The following EFCAB5 variants were observed in gnomAD, a reference collection of about 807,000 sequenced individuals.
EFCAB5 encodes EF-hand calcium-binding domain-containing protein 5.
Under a neutral mutation model 167.9 loss-of-function variants are expected in EFCAB5, and 131 were observed. The ratio of observed to expected loss-of-function variants is 0.78; its 90% confidence interval spans 0.68 to 0.90. The LOEUF (loss-of-function observed/expected upper bound fraction) is 0.90, where lower values mean the gene tolerates loss of function less well. Among genes scored for constraint, EFCAB5 ranks in the 40% least tolerant of loss-of-function variants. The probability of loss-of-function intolerance (pLI) is 0.00; values close to 1 mark genes in which losing one functional copy is unlikely to be tolerated. For missense variants in EFCAB5, 1,663 were observed against 1,745.2 expected (o/e 0.95, Z 0.84); for synonymous variants, 574 against 602.8 (o/e 0.95, Z 0.70).
At chr17:30,037,502 C>T (rs2069658624) in intron 8 of EFCAB5, among the ~76,000 whole-genome samples, 1 of 152,074 alleles carries the variant, frequency 6.6e-6, no homozygotes, top group East Asian at 1.9e-4. Flanking sequence ...AGCACCCCCA[C>T]CCCCCAAAAT....
chr17:30,067,518 A>C (rs1419252122), intron 14 of EFCAB5, among the ~76,000 whole-genome samples: 1 of 152,082 alleles, frequency 6.6e-6, no homozygotes, highest in Admixed American at 6.5e-5. Context: ...GATTTATCCC[A>C]ATAATGCAAA....
intron 22 of EFCAB5, among the ~76,000 whole-genome samples, chr17:30,096,677 A>ATTTTTTTTTTTT (rs71278522): frequency 5.0e-5 from 3 of 60,128 alleles, no homozygotes; most frequent in Admixed American, 2.4e-4. Flanking sequence ...ATATATATAT[A>ATTTTTTTTTTTT]TTTTTTTTTT....
intron 4 of EFCAB5, among the ~76,000 whole-genome samples, chr17:29,980,515 T>C (rs1284092503): frequency 6.6e-6 from 1 of 152,224 alleles, no homozygotes. Flanking sequence ...CATTTTTATC[T>C]TACTTGACCT....
intron 7 of EFCAB5, among the ~76,000 whole-genome samples, chr17:30,026,688 T>C (rs899453269): frequency 6.6e-6 from 1 of 152,174 alleles, no homozygotes; most frequent in South Asian, 2.1e-4. Flanking sequence ...CTTCCCATCC[T>C]TGATGATAAG....
chr17:29,986,336 T>C (rs2068281195), intron 4 of EFCAB5, among the ~76,000 whole-genome samples: 1 of 152,190 alleles, frequency 6.6e-6, no homozygotes, highest in Admixed American at 6.6e-5. Flanking sequence ...TATATGGCCA[T>C]GTTTCCAGAT....
intron 1 of EFCAB5, 27 bp from the exon 2 acceptor site, chr17:29,942,213 C>T: frequency 6.4e-7 from 1 of 1,555,050 alleles, no homozygotes; most frequent in South Asian, 1.2e-5. Flanking sequence ...TTTTGGATGC[C>T]ATTTACTAAC....
chr17:30,012,151 C>T (rs769831531), intron 7 of EFCAB5, among the ~76,000 whole-genome samples: 2 of 152,104 alleles, frequency 1.3e-5, no homozygotes, highest in Non-Finnish European at 1.5e-5. Flanking sequence ...CCAGGCAGAC[C>T]GTGGTCTAGC....
chr17:29,936,249 T>C (rs761506417), intron 1 of EFCAB5, among the ~76,000 whole-genome samples: 3 of 151,684 alleles, frequency 2.0e-5, no homozygotes, highest in Non-Finnish European at 2.9e-5. Flanking sequence ...AGGTGGGAAT[T>C]GAACAATGAG....
chr17:29,991,509 C>CT (rs765311398), intron 4 of EFCAB5, among the ~76,000 whole-genome samples: 12 of 152,192 alleles, frequency 7.9e-5, no homozygotes, highest in Non-Finnish European at 1.6e-4. Context: ...GGCTCCCTGG[C>CT]TAGTTATCTG....
intron 1 of EFCAB5, 102 bp from the exon 2 acceptor site, chr17:29,942,138 G>T: frequency 3.0e-6 from 3 of 1,014,922 alleles, no homozygotes; most frequent in Non-Finnish European, 4.2e-6. Flanking sequence ...CTCATTATGT[G>T]AAATTTTTAA....
chr17:30,087,274 T>C, intron 19 of EFCAB5, 108 bp downstream of exon 19: 1 of 775,672 alleles, frequency 1.3e-6, no homozygotes, highest in South Asian at 2.0e-5. Flanking sequence ...CTGACTTTTA[T>C]TCTTTCTTTT....
At chr17:30,042,131 C>T (rs1431837320) in intron 8 of EFCAB5, among the ~76,000 whole-genome samples, 1 of 151,996 alleles carries the variant, frequency 6.6e-6, no homozygotes, top group African/African-American at 2.4e-5. Context: ...GCCTTTGCCT[C>T]TGGAGTAGCT....
At chr17:30,033,082 C>CA (rs1555562746) in intron 7 of EFCAB5, among the ~76,000 whole-genome samples, 1 of 144,850 alleles carries the variant, frequency 6.9e-6, no homozygotes, top group Non-Finnish European at 1.5e-5. Flanking sequence ...TGAGCTCACA[C>CA]TTTTTTTTTT....
intron 3 of EFCAB5, among the ~76,000 whole-genome samples, chr17:29,954,837 CA>C (rs2067581917): frequency 6.6e-6 from 1 of 152,236 alleles, no homozygotes; most frequent in Admixed American, 6.5e-5. Flanking sequence ...TGCAAAGCCA[CA>C]GGGGCAGAGC....
intron 22 of EFCAB5, among the ~76,000 whole-genome samples, chr17:30,101,386 A>C (rs1393697154): frequency 4.6e-5 from 7 of 152,182 alleles, no homozygotes; most frequent in Non-Finnish European, 8.8e-5. Context: ...AATGAGAAAG[A>C]AACAGAGGAG....
chr17:29,956,225 G>A (rs571001775), intron 3 of EFCAB5, among the ~76,000 whole-genome samples: 4 of 152,264 alleles, frequency 2.6e-5, no homozygotes, highest in South Asian at 4.1e-4. Context: ...AATATACTAC[G>A]TAGCAATGAA....
Position 29,968,897 on chromosome 17 carries a change from TG to T in EFCAB5, c.298del (p.Ala100LeufsTer2). On this transcript the variant is annotated frameshift_variant, in exon 4 of 23. Transcript: ENST00000394835. LOFTEE classifies it high-confidence loss of function. ...TTAGAAAATCTGCAAAAGTGATTTT[TG>T]CTTTAGATGAAACTGAACTGAAATC... ...AIRKSAKVIFALDETELKSKP... is the reference protein window; with the variant it reads ...AIRKSAKVIFXLDETELKSKP... 4 of 1,570,956 alleles carry T rather than the reference TG, an allele frequency of 2.5e-6. No homozygotes were observed. The highest frequency in any genetic ancestry group is 3.5e-6 in the Non-Finnish European group (4 of 1,157,186).
intron 19 of EFCAB5, 172 bp from the exon 20 acceptor site, chr17:30,090,249 C>A: frequency 1.2e-6 from 1 of 839,890 alleles, no homozygotes; most frequent in Non-Finnish European, 1.8e-6. Context: ...AGTGAGCAAA[C>A]AGACAGCCAT....
At chr17:29,997,991 T>G (rs976507812) in intron 6 of EFCAB5, among the ~76,000 whole-genome samples, 1 of 152,056 alleles carries the variant, frequency 6.6e-6, no homozygotes, top group African/African-American at 2.4e-5. Flanking sequence ...GGTCCTGAGA[T>G]TTACATAATT....
Sources: allele counts gnomAD v4.1 joint callset (sites outside exome capture counted in the v4.1 genomes callset), GRCh38; gene constraint gnomAD v4.1.1; transcripts MANE v1.5; gene names NCBI Gene and HGNC (gene_info 2026-07-23, HGNC 2026-07-21).